TLN2: variants seen among roughly 807,000 people sequenced by gnomAD.
TLN2 encodes talin-2.
A neutral mutation model predicts 294.7 loss-of-function variants in TLN2; 118 were observed. The observed-to-expected ratio is 0.40, with a 90% CI of 0.34 to 0.47. TLN2 has a LOEUF of 0.47. Among genes scored for constraint, TLN2 ranks in the 20% least tolerant of loss-of-function variants. TLN2 has a pLI of 0.84. For synonymous variants in TLN2, 1,431 were observed against 1,304.5 expected (o/e 1.10, Z -2.09); for missense variants, 3,083 against 3,282.2 (o/e 0.94, Z 1.48).
chr15:62,499,365 G>A (rs921011999), intron 1 of TLN2, among the ~76,000 whole-genome samples: 1 of 152,146 alleles, frequency 6.6e-6, no homozygotes, highest in Non-Finnish European at 1.5e-5. Flanking sequence ...TGGGAGGATC[G>A]CTAGAGCCCA....
intron 48 of TLN2, 99 bp downstream of exon 48, chr15:62,797,501 G>A: frequency 2.9e-6 from 4 of 1,373,244 alleles, no homozygotes; most frequent in Non-Finnish European, 2.9e-6. Flanking sequence ...AACTTTTGAA[G>A]TAGACAATGT....
chr15:62,720,440 C>T (rs999102057), intron 25 of TLN2, among the ~76,000 whole-genome samples: 23 of 152,192 alleles, frequency 1.5e-4, no homozygotes, highest in African/African-American at 5.5e-4. Context: ...ACTTTATCAG[C>T]ACTTTTTCTC....
At position 62,800,384 on chromosome 15, in the gene TLN2, C is replaced by T. The variant is rs1410456933; in HGVS notation, c.6251C>T (p.Ala2084Val). 6.2e-7 allele frequency: 1 copy of T among 1,613,778 alleles called. No homozygotes were observed. Among genetic ancestry groups the T allele is most frequent in the East Asian group, 2.2e-5 (1 of 44,876 alleles). ...DPETQVVLIN[A>V]IKDVAKALSD... ...CTCTTTCAGGTGGTTTTGATCAATG[C>T]CATCAAAGATGTGGCCAAGGCCCTT... is the stretch of plus-strand genomic sequence containing the variant. The change falls in exon 49 of 59, where the codon GCC becomes GTC. Residue 2084 changes from alanine to valine, a missense_variant. Transcript: ENST00000636159.
At chr15:62,458,604 G>A (rs865992426) in intron 1 of TLN2, among the ~76,000 whole-genome samples, 37 of 130,108 alleles carry the variant, frequency 2.8e-4, no homozygotes, top group Admixed American at 4.7e-4. Flanking sequence ...CGTCTCTACA[G>A]AAAAAAAAAA....
At chr15:62,450,447 G>T (rs2036041086) in intron 1 of TLN2, among the ~76,000 whole-genome samples, 1 of 98,130 alleles carries the variant, frequency 1.0e-5, no homozygotes, top group Non-Finnish European at 2.3e-5. Context: ...TACAGTTGGG[G>T]ATTCAGCTTT....
intron 1 of TLN2, among the ~76,000 whole-genome samples, chr15:62,553,248 C>T (rs1012633685): frequency 2.0e-5 from 3 of 152,078 alleles, no homozygotes; most frequent in African/African-American, 7.2e-5. Flanking sequence ...GTAATCCCAG[C>T]ACTTTGGGAG....
Position 62,437,219 on chromosome 15 carries a change from G to T in TLN2, c.-238+46534G>T, listed in dbSNP as rs182942916. ...TCTTAGGAGGGCGTCTCCCATGTTG[G>T]TGTACAGCCTGCTAGAGGTCTAGGA... On this transcript the variant is annotated intron_variant, in intron 1 of 58. Coordinates refer to ENST00000636159, the MANE Select transcript of TLN2 (RefSeq NM_015059.3). Among the ~76,000 whole-genome samples the T allele has an allele frequency of 3.9e-5, 6 of 152,314 alleles. 1 individual carries two copies. Among genetic ancestry groups the T allele is most frequent in the Non-Finnish European group, 8.8e-5 (6 of 68,022 alleles).
At chr15:62,649,609 A>G (rs8041641) in intron 4 of TLN2, among the ~76,000 whole-genome samples, 92,500 of 151,370 alleles carry the variant, frequency 0.61, 29,321 homozygotes, top group Middle Eastern at 0.78. Context: ...TCTCTTTTAC[A>G]CCGCTCAGTT....
chr15:62,650,739 AGGG>A (rs2140942213), intron 5 of TLN2, among the ~76,000 whole-genome samples: 1 of 152,344 alleles, frequency 6.6e-6, no homozygotes, highest in South Asian at 2.1e-4. Context: ...TTTGGTATGT[AGGG>A]TGAAGTGCAC....
chr15:62,547,153 T>G (rs2042039385), intron 1 of TLN2, among the ~76,000 whole-genome samples: 1 of 152,200 alleles, frequency 6.6e-6, no homozygotes, highest in Admixed American at 6.5e-5. Context: ...GATACCTGCT[T>G]TATTCTGTAG....
intron 1 of TLN2, among the ~76,000 whole-genome samples, chr15:62,503,629 C>T (rs1326986691): frequency 6.6e-6 from 1 of 152,238 alleles, no homozygotes; most frequent in African/African-American, 2.4e-5. Flanking sequence ...CATGTGTCTG[C>T]CCTTGGCTGT....
intron 1 of TLN2, among the ~76,000 whole-genome samples, chr15:62,557,645 G>C (rs766025857): frequency 1.8e-4 from 28 of 152,084 alleles, no homozygotes; most frequent in Non-Finnish European, 4.0e-4. Context: ...GGGCTCAAGT[G>C]ATTCTCCTCC....
intron 1 of TLN2, among the ~76,000 whole-genome samples, chr15:62,411,656 A>C (rs920319208): frequency 6.6e-6 from 1 of 152,154 alleles, no homozygotes; most frequent in Admixed American, 6.5e-5. Context: ...TTATGCTAAC[A>C]GGTGAGCTGA....
At chr15:62,447,203 C>G (rs757205324) in intron 1 of TLN2, among the ~76,000 whole-genome samples, 4 of 150,832 alleles carry the variant, frequency 2.7e-5, no homozygotes, top group South Asian at 2.1e-4. Context: ...GAACTATTCA[C>G]TACTTGAATG....
At chr15:62,646,885 C>A (rs984800182) in intron 3 of TLN2, among the ~76,000 whole-genome samples, 1 of 152,076 alleles carries the variant, frequency 6.6e-6, no homozygotes, top group African/African-American at 2.4e-5. Context: ...TCTTTAGGAC[C>A]CAGTCATAGG....
intron 1 of TLN2, among the ~76,000 whole-genome samples, chr15:62,416,781 T>C (rs765775236): frequency 2.6e-5 from 4 of 152,166 alleles, no homozygotes; most frequent in Non-Finnish European, 4.4e-5. Context: ...TGCTCTGAGC[T>C]CATGAAGGCT....
At chr15:62,670,859 C>T (rs2055317236) in intron 9 of TLN2, among the ~76,000 whole-genome samples, 1 of 152,168 alleles carries the variant, frequency 6.6e-6, no homozygotes, top group Admixed American at 6.5e-5. Flanking sequence ...AAGGAACTAC[C>T]AAACTTTTTT....
intron 1 of TLN2, among the ~76,000 whole-genome samples, chr15:62,401,824 C>G (rs78780678): frequency 6.6e-6 from 1 of 152,196 alleles, no homozygotes; most frequent in Non-Finnish European, 1.5e-5. Context: ...TTCCTCTACC[C>G]TGCTTCAGCC....
chr15:62,696,505 A>G (rs7166235), intron 14 of TLN2, among the ~76,000 whole-genome samples: 144,063 of 152,226 alleles, frequency 0.95, 68,625 homozygotes, highest in Non-Finnish European at 1. Context: ...TCAGGAGTTC[A>G]AGACCAGCCT....
Sources: gnomAD v4.1 joint callset for allele counts (sites outside exome capture counted in the v4.1 genomes callset) on GRCh38, gnomAD v4.1.1 for gene constraint, MANE v1.5 for transcripts, NCBI Gene and HGNC (gene_info 2026-07-23, HGNC 2026-07-21) for gene names.